Variants in RIC3 observed in about 807,000 individuals in gnomAD.
RIC3 encodes protein RIC-3.
In RIC3, 28 loss-of-function variants were observed where a neutral mutation model predicts 27.3. The observed-to-expected ratio is 1.02, with a 90% CI of 0.76 to 1.41. The LOEUF is 1.41. Ranked by LOEUF, RIC3 falls within the 40% of genes most tolerant of loss-of-function variation. The pLI is 0.00. For missense variants in RIC3, 501 were observed against 444.7 expected, an observed-to-expected ratio of 1.13 and a Z score of -1.14; for synonymous variants, 184 against 160.4, an observed-to-expected ratio of 1.15 and a Z score of -1.11.
At chr11:8,101,416 G>A (rs975987460), downstream of RIC3, 3 of 1,593,672 alleles carry the variant, frequency 1.9e-6, no homozygotes, top group Non-Finnish European at 2.6e-6. Context: ...TTGGGTGTCT[G>A]TCTATCCTTC....
chr11:8,096,979 G>A, the RIC3 span, among the ~76,000 whole-genome samples: 2 of 152,092 alleles, frequency 1.3e-5, no homozygotes, highest in Admixed American at 1.3e-4. Flanking sequence ...GGTGATGTAT[G>A]GGGGGAGATG....
chr11:8,149,824 C>A (rs891959701), intron 1 of RIC3, among the ~76,000 whole-genome samples: 6 of 152,144 alleles, frequency 3.9e-5, no homozygotes, highest in African/African-American at 1.4e-4. Flanking sequence ...AACTACCAAA[C>A]AGAAACTAGC....
downstream of RIC3, chr11:8,101,973 C>G: frequency 3.5e-6 from 1 of 287,544 alleles, no homozygotes; most frequent in Non-Finnish European, 6.6e-6. Context: ...GGAGAGGAAG[C>G]ACACTGCAGG....
chr11:8,154,816 A>C (rs187807770), intron 1 of RIC3, among the ~76,000 whole-genome samples: 2 of 152,310 alleles, frequency 1.3e-5, no homozygotes, highest in Non-Finnish European at 2.9e-5. Flanking sequence ...AGAACATAAA[A>C]CTGTAGGTTT....
At chr11:8,157,903 T>C (rs1415928724) in intron 1 of RIC3, among the ~76,000 whole-genome samples, 1 of 152,170 alleles carries the variant, frequency 6.6e-6, no homozygotes, top group Non-Finnish European at 1.5e-5. Context: ...TCTCAAATTG[T>C]CTGTTGTTTT....
chr11:8,157,532 G>T (rs1313784293), intron 1 of RIC3, among the ~76,000 whole-genome samples: 1 of 152,112 alleles, frequency 6.6e-6, no homozygotes, highest in African/African-American at 2.4e-5. Context: ...TCAACTACAG[G>T]TGTGTTCCTA....
chr11:8,163,503 T>C lies in RIC3; in HGVS notation c.124+5363A>G, dbSNP rs148113897. Among the ~76,000 whole-genome samples the C allele has an allele frequency of 6.2e-3, 946 of 151,866 alleles. 22 individuals are homozygous for C. Among genetic ancestry groups the C allele is most frequent in the Admixed American group, 0.051 (779 of 15,246 alleles). ...CAGATTAAAAAAAAAAGTAAAACTATCTCTATATGCAGACAAGTTCAGCGA... is the reference window on the plus strand; with the variant it reads ...CAGATTAAAAAAAAAAGTAAAACTACCTCTATATGCAGACAAGTTCAGCGA... On this transcript the variant is annotated intron_variant, in intron 1 of 5. Transcript: ENST00000309737.
downstream of RIC3, chr11:8,101,056 G>C (rs1284375360): frequency 9.4e-6 from 15 of 1,597,752 alleles, no homozygotes; most frequent in East Asian, 1.8e-4. Context: ...CCTTAGCGTA[G>C]GGTTCAGCCC....
intron 1 of RIC3, 129 bp downstream of exon 1, chr11:8,168,737 C>T (rs1951989716): frequency 7.4e-7 from 1 of 1,348,644 alleles, no homozygotes; most frequent in Non-Finnish European, 9.8e-7. Flanking sequence ...CCGTCTCGCC[C>T]GCCCTCTCCA....
chr11:8,158,963 C>T (rs60363791), intron 1 of RIC3, among the ~76,000 whole-genome samples: 2 of 150,548 alleles, frequency 1.3e-5, no homozygotes, highest in Non-Finnish European at 3.0e-5. Context: ...GAAATCCTGA[C>T]CTTGTGATCC....
At chr11:8,130,229 C>A (rs763203305) in intron 4 of RIC3, among the ~76,000 whole-genome samples, 15 of 152,044 alleles carry the variant, frequency 9.9e-5, no homozygotes, top group Admixed American at 2.0e-4. Flanking sequence ...ACATTCCATC[C>A]CCTTGACTGC....
chr11:8,100,197 A>G, the RIC3 span, among the ~76,000 whole-genome samples: 4 of 152,316 alleles, frequency 2.6e-5, no homozygotes, highest in South Asian at 2.1e-4. Context: ...GCTGACAGAA[A>G]CTGCTGATGG....
At position 8,109,616 on chromosome 11, in the gene RIC3, A is replaced by C. The variant is rs1393406638; in HGVS notation, c.*1082T>G. 1.3e-5 allele frequency: 2 copies of C among 152,154 alleles called. No individual in the cohort carries two copies. The highest frequency in any genetic ancestry group is 4.8e-5 in the African/African-American group (2 of 41,438). 9.4% of individuals were successfully genotyped at this position (152,154 alleles called of 1,614,324 possible). ...CAGACATACTCCAACTTCCCTCTTGAGTTGGCACTTTGTATACAAGATCAG... is the reference window on the plus strand; with the variant it reads ...CAGACATACTCCAACTTCCCTCTTGCGTTGGCACTTTGTATACAAGATCAG... On this transcript the variant is annotated 3_prime_UTR_variant, in exon 6 of 6. Transcript: ENST00000309737.
chr11:8,114,567 T>C (rs897922543), intron 5 of RIC3, among the ~76,000 whole-genome samples: 5 of 149,548 alleles, frequency 3.3e-5, no homozygotes, highest in African/African-American at 1.2e-4. Flanking sequence ...GATCAAGCCA[T>C]TGCACTCCAG....
chr11:8,100,918 A>G, the RIC3 span: 1 of 1,614,166 alleles, frequency 6.2e-7, no homozygotes, highest in Non-Finnish European at 8.5e-7. Context: ...ATGATGACAC[A>G]CAGTCCTATG....
At chr11:8,132,573 T>C (rs1226505215) in intron 4 of RIC3, among the ~76,000 whole-genome samples, 3 of 152,208 alleles carry the variant, frequency 2.0e-5, no homozygotes, top group Non-Finnish European at 4.4e-5. Flanking sequence ...TTTAAATATG[T>C]GTACAGACCT....
intron 1 of RIC3, among the ~76,000 whole-genome samples, chr11:8,144,237 C>A (rs1464532204): frequency 6.6e-6 from 1 of 150,734 alleles, no homozygotes; most frequent in African/African-American, 2.4e-5. Context: ...TCAGAGTGAA[C>A]AGGCAACCTA....
chr11:8,169,004 G>A lies in RIC3; in HGVS notation c.-15C>T. On this transcript the variant is annotated 5_prime_UTR_variant, in exon 1 of 6. Coordinates refer to ENST00000309737, the MANE Select transcript of RIC3 (RefSeq NM_001206671.4). ...GAGTACGCCATGACTGCTCACGGTG[G>A]TCGCAGGTGCAGACGCCAGCCGGAA... 1 of 1,562,698 alleles carries A rather than the reference G, an allele frequency of 6.4e-7. No homozygotes were observed. The highest frequency in any genetic ancestry group is 8.6e-7 in the Non-Finnish European group (1 of 1,159,596).
At chr11:8,130,520 C>A (rs960641207) in intron 4 of RIC3, among the ~76,000 whole-genome samples, 1 of 152,134 alleles carries the variant, frequency 6.6e-6, no homozygotes, top group African/African-American at 2.4e-5. Context: ...TTTTTGCTAG[C>A]CAGAGTTGGC....
Sources: gnomAD v4.1 joint callset for allele counts (sites outside exome capture counted in the v4.1 genomes callset) on GRCh38, gnomAD v4.1.1 for gene constraint, MANE v1.5 for transcripts, NCBI Gene and HGNC (gene_info 2026-07-23, HGNC 2026-07-21) for gene names.